PDE10A: variants seen among roughly 807,000 people sequenced by gnomAD.
PDE10A encodes cAMP and cAMP-inhibited cGMP 3',5'-cyclic phosphodiesterase 10A.
PDE10A carries 39 observed loss-of-function variants against 97.7 expected under a neutral mutation model. The ratio of observed to expected loss-of-function variants is 0.40; its 90% CI spans 0.31 to 0.52. The LOEUF is 0.52. Ranked by LOEUF, PDE10A falls within the 20% of genes least tolerant of loss-of-function variation. The pLI, the probability that PDE10A is intolerant of heterozygous loss-of-function variation, is 0.56. For missense variants in PDE10A, 731 were observed against 1,047.8 expected, an observed-to-expected ratio of 0.70 and a Z score of 4.17; for synonymous variants, 371 against 376.8, an observed-to-expected ratio of 0.98 and a Z score of 0.18.
intron 3 of PDE10A, among the ~76,000 whole-genome samples, chr6:165,473,734 G>C (rs1779142884): frequency 6.6e-6 from 1 of 151,996 alleles, no homozygotes; most frequent in Non-Finnish European, 1.5e-5. Context: ...ATATTTAATA[G>C]AAAAAAATAA....
intron 3 of PDE10A, among the ~76,000 whole-genome samples, chr6:165,455,772 T>C (rs911007655): frequency 4.6e-5 from 7 of 152,188 alleles, no homozygotes; most frequent in African/African-American, 1.7e-4. Context: ...ACTTGCTTTG[T>C]TGCACACTTG....
At chr6:165,621,252 A>T (rs12200612) in intron 1 of PDE10A, among the ~76,000 whole-genome samples, 1 of 152,004 alleles carries the variant, frequency 6.6e-6, no homozygotes, top group Non-Finnish European at 1.5e-5. Flanking sequence ...AACTAAAAAA[A>T]AAGGAATTAT....
intron 18 of PDE10A, among the ~76,000 whole-genome samples, chr6:165,355,383 C>A (rs926012263): frequency 6.6e-6 from 1 of 152,122 alleles, no homozygotes; most frequent in African/African-American, 2.4e-5. Flanking sequence ...CCAGCAACTG[C>A]CAGTTTAAAT....
At chr6:165,343,568 A>G in intron 18 of PDE10A, 66 bp from the exon 19 acceptor site, 1 of 1,122,682 alleles carries the variant, frequency 8.9e-7, no homozygotes, top group Non-Finnish European at 1.4e-6. Context: ...GACTAGAAAG[A>G]CTTCTGTATT....
chr6:165,370,002 T>C (rs1026309614), intron 18 of PDE10A, among the ~76,000 whole-genome samples: 3 of 114,642 alleles, frequency 2.6e-5, no homozygotes, highest in African/African-American at 1.3e-4. Flanking sequence ...GAAGGAGAAA[T>C]AAAATACTTT....
At chr6:165,756,689 C>T (rs139502191) in intron 1 of PDE10A, among the ~76,000 whole-genome samples, 108 of 152,192 alleles carry the variant, frequency 7.1e-4, no homozygotes, top group African/African-American at 2.5e-3. Context: ...TGTGCACATG[C>T]GGCAGGTTGT....
chr6:165,704,668 T>C (rs903934715), intron 1 of PDE10A, among the ~76,000 whole-genome samples: 3 of 152,184 alleles, frequency 2.0e-5, no homozygotes, highest in African/African-American at 7.2e-5. Flanking sequence ...ATAAAATCTG[T>C]CAGTTAAGTT....
intron 18 of PDE10A, among the ~76,000 whole-genome samples, chr6:165,375,239 GA>G (rs2128205006): frequency 6.6e-6 from 1 of 152,338 alleles, no homozygotes; most frequent in South Asian, 2.1e-4. Flanking sequence ...GAGATAGGCT[GA>G]AAGCAAGGAC....
intron 1 of PDE10A, among the ~76,000 whole-genome samples, chr6:165,676,875 A>G (rs1790812807): frequency 6.6e-6 from 1 of 152,076 alleles, no homozygotes; most frequent in Non-Finnish European, 1.5e-5. Context: ...GAGTGCATGG[A>G]CTGAAGGACC....
At chr6:165,354,275 A>C (rs550319143) in intron 18 of PDE10A, among the ~76,000 whole-genome samples, 6 of 152,216 alleles carry the variant, frequency 3.9e-5, no homozygotes, top group Non-Finnish European at 5.9e-5. Flanking sequence ...ATAATTTTGG[A>C]GAAGTATCCT....
intron 1 of PDE10A, among the ~76,000 whole-genome samples, chr6:165,754,796 T>A (rs1390695536): frequency 6.6e-6 from 1 of 152,146 alleles, no homozygotes; most frequent in Non-Finnish European, 1.5e-5. Context: ...GTTCTAATAA[T>A]TAATTAGATA....
intron 18 of PDE10A, among the ~76,000 whole-genome samples, chr6:165,378,782 C>T (rs1242826602): frequency 1.3e-5 from 2 of 152,216 alleles, no homozygotes; most frequent in Admixed American, 1.3e-4. Flanking sequence ...CCAGTTTCTA[C>T]ACCAATCACA....
chr6:165,555,701 C>T (rs1264047858), intron 1 of PDE10A, among the ~76,000 whole-genome samples: 1 of 152,008 alleles, frequency 6.6e-6, no homozygotes, highest in South Asian at 2.1e-4. Context: ...GTATCAAATC[C>T]AGAAATTGTC....
At chr6:165,927,647 CATATATATATATATATAT>C (rs71029572) in intron 1 of PDE10A, among the ~76,000 whole-genome samples, 4 of 73,238 alleles carry the variant, frequency 5.5e-5, no homozygotes, top group South Asian at 1.1e-3. Context: ...ATGAGAATGA[CATATATATATATATATAT>C]ATATATATAT....
Position 165,512,021 on chromosome 6 carries a change from A to G in PDE10A, c.995-29678T>C, listed in dbSNP as rs1019393764. On this transcript the variant is annotated intron_variant, in intron 2 of 21. Transcript: ENST00000539869. ...TCAGTAGAGATTTTAATCTATTCACATTCAAAGTTATTATTGCATGGGAAG... is the reference window on the plus strand; with the variant it reads ...TCAGTAGAGATTTTAATCTATTCACGTTCAAAGTTATTATTGCATGGGAAG... Among the ~76,000 whole-genome samples, 3 of 152,116 alleles carry G rather than the reference A, an allele frequency of 2.0e-5. No homozygotes were observed. In the East Asian group the frequency reaches 5.8e-4, roughly 29 times the overall value.
intron 1 of PDE10A, among the ~76,000 whole-genome samples, chr6:165,756,523 A>G (rs1489679250): frequency 1.3e-5 from 2 of 152,238 alleles, no homozygotes; most frequent in East Asian, 3.9e-4. Flanking sequence ...GTTTTGAATC[A>G]TTGTATTTTT....
intron 18 of PDE10A, among the ~76,000 whole-genome samples, chr6:165,360,683 G>A (rs879599557): frequency 2.6e-5 from 4 of 152,150 alleles, no homozygotes; most frequent in African/African-American, 4.8e-5. Flanking sequence ...TCAAATAACC[G>A]AGTGCTGGAA....
At position 165,943,278 on chromosome 6, in the gene PDE10A, A is replaced by AAGGAAGGAAGGAAG. The variant is rs1562809978; in HGVS notation, c.-615+44250_-615+44251insCTTCCTTCCTTCCT. 4.6e-5 allele frequency among the ~76,000 whole-genome samples: 6 copies of AAGGAAGGAAGGAAG among 129,408 alleles called. 1 individual carries two copies. The highest frequency in any genetic ancestry group is 9.6e-5 in the African/African-American group (3 of 31,226). 84.9% of individuals were successfully genotyped at this position (129,408 alleles called of 152,430 possible). A position where few individuals can be genotyped will look rare whatever the true frequency, so the allele number is the denominator to read the frequency against. ...AGGAAGGAAGGAAGGAAGGAAGGAA[A>AAGGAAGGAAGGAAG]GAAAGAAAGAAAGAAGGAAAGAAAG... On this transcript the variant is annotated intron_variant, in intron 1 of 19. Coordinates refer to the PDE10A transcript ENST00000366882.
intron 1 of PDE10A, among the ~76,000 whole-genome samples, chr6:165,911,462 A>T (rs113449952): frequency 3.5e-4 from 53 of 152,290 alleles, no homozygotes; most frequent in African/African-American, 1.1e-3. Flanking sequence ...CATTCTATTG[A>T]TGAGGAACTT....
Sources: gnomAD v4.1 joint callset for allele counts (sites outside exome capture counted in the v4.1 genomes callset) on GRCh38, gnomAD v4.1.1 for gene constraint, MANE v1.5 for transcripts, NCBI Gene and HGNC (gene_info 2026-07-23, HGNC 2026-07-21) for gene names.